CMIP: variants seen among roughly 807,000 people sequenced by gnomAD.
The protein encoded by CMIP is c-Maf inducing protein.
A neutral mutation model predicts 97.3 loss-of-function variants in CMIP; 13 were observed. The observed-to-expected ratio is 0.13, with a 90% CI of 0.09 to 0.21. CMIP has a LOEUF of 0.21. Ranked by LOEUF, CMIP falls within the 10% of genes least tolerant of loss-of-function variation. The pLI is 1.00. For synonymous variants in CMIP, 538 were observed against 436.3 expected (o/e 1.23, Z -2.91); for missense variants, 847 against 1,024.9 (o/e 0.83, Z 2.37).
At chr16:81,706,078 C>A (rs886261880) in intron 19 of CMIP, among the ~76,000 whole-genome samples, 1 of 152,204 alleles carries the variant, frequency 6.6e-6, no homozygotes, top group African/African-American at 2.4e-5. Flanking sequence ...GAAGCCCTGT[C>A]ATAATAGAAG....
intron 1 of CMIP, among the ~76,000 whole-genome samples, chr16:81,471,921 C>G (rs1278968913): frequency 1.3e-5 from 2 of 152,206 alleles, no homozygotes; most frequent in African/African-American, 4.8e-5. Context: ...AAAGAATTGT[C>G]TGGAATTTTC....
chr16:81,687,230 C>T (rs1411851172), intron 10 of CMIP, among the ~76,000 whole-genome samples: 1 of 152,192 alleles, frequency 6.6e-6, no homozygotes, highest in South Asian at 2.1e-4. Context: ...CCACCCAGCC[C>T]GGGGCCCAGC....
chr16:81,501,748 A>T (rs964451702), intron 1 of CMIP, among the ~76,000 whole-genome samples: 1 of 151,936 alleles, frequency 6.6e-6, no homozygotes, highest in African/African-American at 2.4e-5. Flanking sequence ...AGTAGCTGGA[A>T]TTACAGGTGC....
chr16:81,456,608 C>T (rs1906564895), intron 1 of CMIP, among the ~76,000 whole-genome samples: 1 of 152,228 alleles, frequency 6.6e-6, no homozygotes, highest in South Asian at 2.1e-4. Flanking sequence ...CTGTCATTGT[C>T]CCCCTTATAC....
Position 81,588,562 on chromosome 16 carries a change from T to A in CMIP, c.301-19005T>A, listed in dbSNP as rs537985215. ...TGTGACAATTACATCATTACCTACTTCTTCTGAAATGACATGGCCATGGCT... is the reference window on the plus strand; with the variant it reads ...TGTGACAATTACATCATTACCTACTACTTCTGAAATGACATGGCCATGGCT... On this transcript the variant is annotated intron_variant, in intron 1 of 20. Coordinates refer to ENST00000537098, the MANE Select transcript of CMIP (RefSeq NM_198390.3). Among the ~76,000 whole-genome samples, 94 of 152,254 alleles carry A rather than the reference T, an allele frequency of 6.2e-4. 1 individual carries two copies. The highest frequency in any genetic ancestry group is 2.2e-3 in the African/African-American group (93 of 41,540).
intron 1 of CMIP, among the ~76,000 whole-genome samples, chr16:81,475,268 A>G (rs1907831353): frequency 6.6e-6 from 1 of 152,228 alleles, no homozygotes; most frequent in Non-Finnish European, 1.5e-5. Flanking sequence ...TTGCTTTTAA[A>G]ATGATGATCT....
At chr16:81,603,060 C>T (rs139032694) in intron 1 of CMIP, among the ~76,000 whole-genome samples, 1 of 151,868 alleles carries the variant, frequency 6.6e-6, no homozygotes, top group Admixed American at 6.6e-5. Context: ...AGCACTACAG[C>T]AGCAGCAGTT....
intron 1 of CMIP, among the ~76,000 whole-genome samples, chr16:81,558,889 C>A (rs1458057997): frequency 6.6e-6 from 1 of 152,238 alleles, no homozygotes; most frequent in Non-Finnish European, 1.5e-5. Context: ...GCGTCACCTC[C>A]CCAACCCCGC....
chr16:81,499,516 G>A (rs991792674), intron 1 of CMIP, among the ~76,000 whole-genome samples: 2 of 152,242 alleles, frequency 1.3e-5, no homozygotes, highest in African/African-American at 4.8e-5. Flanking sequence ...CCCTGGCTGA[G>A]CTGTCTCCTC....
chr16:81,445,583 G>T lies in CMIP; in HGVS notation c.300+42G>T, dbSNP rs778969649. ...GGCTGCACCCCCGCCTCTCCTCGGGGCCCGAGATGCGCCCTCCCTGGCTGC... is the reference window on the plus strand; with the variant it reads ...GGCTGCACCCCCGCCTCTCCTCGGGTCCCGAGATGCGCCCTCCCTGGCTGC... On this transcript the variant is annotated intron_variant, in intron 1 of 20. Coordinates refer to ENST00000537098, the MANE Select transcript of CMIP (RefSeq NM_198390.3). The T allele has an allele frequency of 2.6e-6, 4 of 1,522,738 alleles. No homozygotes were observed. The African/African-American group carries it at 5.5e-5, about 21-fold the overall frequency. The allele number at this position is 1,522,738 out of a possible 1,614,324, so 94.3% of individuals were successfully genotyped here. A position where few individuals can be genotyped will look rare whatever the true frequency, so the allele number is the denominator to read the frequency against.
intron 1 of CMIP, among the ~76,000 whole-genome samples, chr16:81,605,780 A>G (rs1341153035): frequency 6.6e-6 from 1 of 152,206 alleles, no homozygotes; most frequent in African/African-American, 2.4e-5. Context: ...TTATTTATTT[A>G]GATATTTTGT....
At chr16:81,476,437 T>C in intron 1 of CMIP, 2 of 974,244 alleles carry the variant, frequency 2.1e-6, no homozygotes, top group Non-Finnish European at 1.6e-6. Flanking sequence ...CTTTGGAAAC[T>C]TGTTTGCAAA....
rs1906351909 is a variant in CMIP at position 81,453,337 on chromosome 16, A to G, written c.300+7796A>G. On this transcript the variant is annotated intron_variant, in intron 1 of 20. Transcript: ENST00000537098. The surrounding 1 kb of genome is among the most constrained non-coding windows in gnomAD (Gnocchi z 4.0). ...CCTGGTGGATATAGGATTTGAGTGT[A>G]TGGAATCAAACAGCCATCTGGGTGC... is the stretch of plus-strand genomic sequence containing the variant. Among the ~76,000 whole-genome samples the G allele has an allele frequency of 6.6e-6, 1 of 152,228 alleles. No homozygotes were observed. The highest frequency in any genetic ancestry group is 6.5e-5 in the Admixed American group (1 of 15,288).
At chr16:81,538,780 A>G (rs1445867892) in intron 1 of CMIP, among the ~76,000 whole-genome samples, 1 of 152,200 alleles carries the variant, frequency 6.6e-6, no homozygotes, top group Non-Finnish European at 1.5e-5. Context: ...TTCCAAACCA[A>G]GACTTTGTTA....
chr16:81,511,823 A>G (rs113602440), intron 1 of CMIP, among the ~76,000 whole-genome samples: 1 of 152,164 alleles, frequency 6.6e-6, no homozygotes, highest in Non-Finnish European at 1.5e-5. Flanking sequence ...CTACCTCTCA[A>G]AGTGCTAGGA....
intron 17 of CMIP, among the ~76,000 whole-genome samples, chr16:81,703,690 C>T (rs1907687095): frequency 6.6e-6 from 1 of 152,056 alleles, no homozygotes; most frequent in African/African-American, 2.4e-5. Context: ...GTGTGAGTCA[C>T]AGCACTGGAG....
At chr16:81,470,558 A>G (rs971228175) in intron 1 of CMIP, among the ~76,000 whole-genome samples, 3 of 152,230 alleles carry the variant, frequency 2.0e-5, no homozygotes, top group African/African-American at 7.2e-5. Flanking sequence ...TGGAGGTTCG[A>G]GTCCACCACG....
intron 1 of CMIP, among the ~76,000 whole-genome samples, chr16:81,580,021 T>C (rs886788116): frequency 2.6e-5 from 4 of 152,240 alleles, no homozygotes; most frequent in Non-Finnish European, 5.9e-5. Context: ...CTAGGATAAC[T>C]GTGGCTCAAC....
chr16:81,581,352 C>G (rs943259343), intron 1 of CMIP, among the ~76,000 whole-genome samples: 1 of 152,098 alleles, frequency 6.6e-6, no homozygotes, highest in Non-Finnish European at 1.5e-5. Context: ...ACAGAAGCCT[C>G]GATGGTGTAG....
Sources: allele counts gnomAD v4.1 joint callset (sites outside exome capture counted in the v4.1 genomes callset), GRCh38; gene constraint gnomAD v4.1.1; non-coding constraint Gnocchi (gnomAD v3.1); transcripts MANE v1.5; gene names NCBI Gene and HGNC (gene_info 2026-07-23, HGNC 2026-07-21).